CLIP1: variants seen among roughly 807,000 people sequenced by gnomAD.
The protein encoded by CLIP1 is CAP-Gly domain-containing linker protein 1.
In CLIP1, 66 loss-of-function variants were observed where a neutral mutation model predicts 161.6. The observed-to-expected ratio is 0.41, with a 90% CI of 0.33 to 0.50. The LOEUF (loss-of-function observed/expected upper bound fraction) is 0.50. CLIP1 is among the 20% of genes least tolerant of loss of function. CLIP1 has a pLI of 0.27. For missense variants in CLIP1, 1,376 were observed against 1,702.0 expected (o/e 0.81, Z 3.37); for synonymous variants, 598 against 626.2 (o/e 0.96, Z 0.67).
intron 19 of CLIP1, among the ~76,000 whole-genome samples, chr12:122,313,674 G>A (rs1222353873): frequency 6.6e-6 from 1 of 151,906 alleles, no homozygotes; most frequent in East Asian, 1.9e-4. Context: ...CCAAGATCAT[G>A]CCACTGCACT....
intron 3 of CLIP1, 99 bp downstream of exon 3, chr12:122,377,290 G>C: frequency 1.8e-6 from 2 of 1,120,954 alleles, no homozygotes; most frequent in Middle Eastern, 2.1e-4. Flanking sequence ...TTATAGGTGT[G>C]AGCCACCGCG....
intron 3 of CLIP1, among the ~76,000 whole-genome samples, chr12:122,367,459 C>T (rs1007762141): frequency 1.3e-5 from 2 of 152,150 alleles, no homozygotes; most frequent in African/African-American, 4.8e-5. Flanking sequence ...AGGTGAAGTC[C>T]TAAAATCATC....
intron 20 of CLIP1, among the ~76,000 whole-genome samples, chr12:122,288,878 T>C (rs1038082551): frequency 6.9e-6 from 1 of 144,714 alleles, no homozygotes; most frequent in Non-Finnish European, 1.5e-5. Context: ...TGCAGTGGCG[T>C]GATCTCGGCT....
chr12:122,278,477 G>C (rs1955521425), intron 23 of CLIP1: 1 of 546,504 alleles, frequency 1.8e-6, no homozygotes, highest in African/African-American at 1.9e-5. Context: ...TGAATGTACA[G>C]AGGCAATCCA....
At chr12:122,399,323 C>T (rs1348600242) in intron 1 of CLIP1, 1 of 152,118 alleles carries the variant, frequency 6.6e-6, no homozygotes, top group Non-Finnish European at 1.5e-5. Context: ...GTATCAAATC[C>T]AAATCCTGTA....
chr12:122,364,995 A>G, intron 3 of CLIP1: 1 of 403,100 alleles, frequency 2.5e-6, no homozygotes, highest in Non-Finnish European at 4.7e-6. Flanking sequence ...ACAAAAAACC[A>G]AACACCGCAT....
intron 20 of CLIP1, among the ~76,000 whole-genome samples, chr12:122,291,142 C>T (rs1950232954): frequency 6.6e-6 from 1 of 150,958 alleles, no homozygotes; most frequent in African/African-American, 2.4e-5. Context: ...ATCCACCCGC[C>T]TCAGCCACCC....
At chr12:122,326,329 ACCCCAGCGCC>A (rs1378084833) in intron 17 of CLIP1, among the ~76,000 whole-genome samples, 42 of 152,160 alleles carry the variant, frequency 2.8e-4, no homozygotes, top group Non-Finnish European at 4.9e-4. Flanking sequence ...CACGCCTGCA[ACCCCAGCGCC>A]TTGTGAGACT....
chr12:122,321,656 C>T (rs180835886), intron 17 of CLIP1, among the ~76,000 whole-genome samples: 4 of 152,040 alleles, frequency 2.6e-5, no homozygotes, highest in East Asian at 3.9e-4. Flanking sequence ...GCAGCTGGGA[C>T]GATAGGCATG....
chr12:122,418,714 G>C (rs955061618), intron 1 of CLIP1, among the ~76,000 whole-genome samples: 1 of 152,140 alleles, frequency 6.6e-6, no homozygotes, highest in African/African-American at 2.4e-5. Flanking sequence ...AGTGAACTAC[G>C]ATTGTGCCAC....
At chr12:122,324,426 A>G (rs936394847) in intron 17 of CLIP1, 1 of 152,318 alleles carries the variant, frequency 6.6e-6, no homozygotes, top group Admixed American at 6.5e-5. Flanking sequence ...AAATGAAATC[A>G]AGCAGACAAA....
chr12:122,324,947 C>T (rs528210409), intron 17 of CLIP1, among the ~76,000 whole-genome samples: 49 of 151,812 alleles, frequency 3.2e-4, no homozygotes, highest in African/African-American at 1.2e-3. Flanking sequence ...AATTTCTAGG[C>T]TTTGCTGACT....
rs769923304 is a variant in CLIP1 at position 122,340,877 on chromosome 12, A to T, written c.2327T>A (p.Leu776His). The change falls in exon 11 of 26, where the codon CTT becomes CAT. Residue 776 changes from leucine to histidine, a missense_variant. This residue lies in a region of CLIP1 where 948 missense variants were observed against 1,134.8 expected (regional missense o/e 0.84). Coordinates refer to ENST00000620786, the MANE Select transcript of CLIP1 (RefSeq NM_001247997.2). ...GGAACTGGCTTTCCGAAGTGCATCA[A>T]GATCCAAGAGCTTTTCTTCAGTAGC... ...LKATEEKLLD[L>H]DALRKASSEG... is the part of the protein sequence containing the mutation. The T allele has an allele frequency of 6.2e-7, 1 of 1,614,226 alleles. No individual in the cohort carries two copies. Among genetic ancestry groups the T allele is most frequent in the Non-Finnish European group, 8.5e-7 (1 of 1,180,040 alleles).
At chr12:122,389,620 G>A (rs918031024) in intron 1 of CLIP1, among the ~76,000 whole-genome samples, 2 of 151,876 alleles carry the variant, frequency 1.3e-5, no homozygotes, top group East Asian at 1.9e-4. Flanking sequence ...TTAGCCGGGC[G>A]TGGTGGTGCA....
intron 1 of CLIP1, among the ~76,000 whole-genome samples, chr12:122,404,964 A>G (rs78021693): frequency 0.013 from 2,049 of 151,814 alleles, 48 homozygotes; most frequent in African/African-American, 0.042. Context: ...CCATTCTTCC[A>G]TTCAGTTCCA....
At chr12:122,336,533 A>C in intron 12 of CLIP1, 99 bp downstream of exon 12, 1 of 686,070 alleles carries the variant, frequency 1.5e-6, no homozygotes, top group Non-Finnish European at 2.6e-6. Flanking sequence ...CAACACTTAG[A>C]AAGAGAAAGG....
chr12:122,373,120 A>T (rs985603476), intron 3 of CLIP1, among the ~76,000 whole-genome samples: 4 of 152,178 alleles, frequency 2.6e-5, no homozygotes, highest in African/African-American at 2.4e-5. Flanking sequence ...AATAAAAAAA[A>T]TTTAATTAAA....
chr12:122,334,004 A>G, intron 14 of CLIP1, 23 bp downstream of exon 14: 1 of 1,451,122 alleles, frequency 6.9e-7, no homozygotes, highest in Non-Finnish European at 9.7e-7. Flanking sequence ...TTTAATGTTT[A>G]GTCACCAGAG....
intron 3 of CLIP1, among the ~76,000 whole-genome samples, chr12:122,371,179 G>C (rs1954433332): frequency 6.6e-6 from 1 of 152,104 alleles, no homozygotes; most frequent in Non-Finnish European, 1.5e-5. Flanking sequence ...GGACAATAAA[G>C]TTGTTAAAAG....
Sources: gnomAD v4.1 joint callset for allele counts (sites outside exome capture counted in the v4.1 genomes callset) on GRCh38, gnomAD v4.1.1 for gene constraint, gnomAD v4.1.1 regional missense constraint, MANE v1.5 for transcripts, NCBI Gene and HGNC (gene_info 2026-07-23, HGNC 2026-07-21) for gene names.